SUPT3H: variants seen among roughly 807,000 people sequenced by gnomAD.
The protein encoded by SUPT3H is transcription initiation protein SPT3 homolog.
Under a neutral mutation model 44.3 loss-of-function variants are expected in SUPT3H, and 44 were observed. The observed-to-expected ratio is 0.99, with a 90% confidence interval of 0.78 to 1.28. SUPT3H has a LOEUF of 1.28. Among genes scored for constraint, SUPT3H ranks in the 50% most tolerant of loss-of-function variants. The probability of loss-of-function intolerance (pLI) is 0.00; values close to 1 mark genes in which losing one functional copy is unlikely to be tolerated. For synonymous variants in SUPT3H, 124 were observed against 125.6 expected, an observed-to-expected ratio of 0.99 and a Z score of 0.09; for missense variants, 380 against 387.1, an observed-to-expected ratio of 0.98 and a Z score of 0.15.
intron 10 of SUPT3H, among the ~76,000 whole-genome samples, chr6:44,852,579 C>A (rs1455084134): frequency 1.3e-5 from 2 of 152,114 alleles, no homozygotes; most frequent in East Asian, 3.8e-4. Context: ...CAACCTCCCA[C>A]AAGAGAAATA....
intron 2 of SUPT3H, among the ~76,000 whole-genome samples, chr6:45,122,814 A>G (rs1270946657): frequency 1.3e-5 from 2 of 152,210 alleles, no homozygotes; most frequent in Non-Finnish European, 2.9e-5. Flanking sequence ...TGCAGACCCC[A>G]TGAACAAGAA....
intron 1 of SUPT3H, among the ~76,000 whole-genome samples, chr6:45,374,691 A>G (rs1252719688): frequency 6.6e-6 from 1 of 152,180 alleles, no homozygotes; most frequent in African/African-American, 2.4e-5. Context: ...CAACACAAAT[A>G]CTCAATCACC....
chr6:45,284,207 T>A (rs151275720), intron 2 of SUPT3H, among the ~76,000 whole-genome samples: 1 of 151,858 alleles, frequency 6.6e-6, no homozygotes, highest in East Asian at 1.9e-4. Context: ...AGCAAACACA[T>A]TCAAAAGCTA....
At chr6:44,820,853 T>A (rs1414679890) in intron 11 of SUPT3H, among the ~76,000 whole-genome samples, 2 of 152,024 alleles carry the variant, frequency 1.3e-5, no homozygotes, top group Non-Finnish European at 2.9e-5. Flanking sequence ...ATAGAGAAAG[T>A]GATTTATGTT....
At chr6:44,988,544 T>A (rs969944955) in intron 6 of SUPT3H, among the ~76,000 whole-genome samples, 18 of 107,830 alleles carry the variant, frequency 1.7e-4, no homozygotes, top group South Asian at 3.0e-4. Context: ...AAAAAAAAAA[T>A]TTATGGGCTA....
Position 45,377,796 on chromosome 6 carries a change from G to A in SUPT3H, c.-29C>T. The stretch of plus-strand genomic sequence containing the variant: ...TGCTTTAAGAACCCTTGGAGGCACT[G>A]CTGCGCTTCCCGCGAGGAGAATGTG... On this transcript the variant is annotated 5_prime_UTR_variant, in exon 1 of 11. Transcript: ENST00000371459. 6.5e-6 allele frequency: 1 copy of A among 153,094 alleles called. No homozygotes were observed. Among genetic ancestry groups the A allele is most frequent in the Non-Finnish European group, 1.5e-5 (1 of 68,584 alleles). 9.5% of individuals were successfully genotyped at this position (153,094 alleles called of 1,614,324 possible).
At chr6:44,954,653 T>C in intron 7 of SUPT3H, 46 bp from the exon 8 acceptor site, 1 of 1,179,774 alleles carries the variant, frequency 8.5e-7, no homozygotes, top group South Asian at 1.2e-5. Context: ...ATTTTTAAAG[T>C]GTTTTAATAC....
intron 7 of SUPT3H, among the ~76,000 whole-genome samples, chr6:44,960,907 A>C (rs1244787769): frequency 6.6e-6 from 1 of 152,208 alleles, no homozygotes; most frequent in Non-Finnish European, 1.5e-5. Context: ...TATAATCTAT[A>C]AATGAAGCTC....
chr6:45,222,285 C>T (rs1766192764), intron 2 of SUPT3H, among the ~76,000 whole-genome samples: 2 of 152,196 alleles, frequency 1.3e-5, no homozygotes, highest in South Asian at 4.1e-4. Context: ...GCAAAAGAGC[C>T]TGTTAAGAGG....
intron 2 of SUPT3H, among the ~76,000 whole-genome samples, chr6:45,232,130 TC>T (rs1768173228): frequency 6.6e-6 from 1 of 152,226 alleles, no homozygotes; most frequent in East Asian, 1.9e-4. Context: ...ATTTCATACT[TC>T]CTGTGTCCTA....
intron 2 of SUPT3H, among the ~76,000 whole-genome samples, chr6:45,192,340 AAAACG>A (rs1815276237): frequency 6.6e-6 from 1 of 152,116 alleles, no homozygotes; most frequent in African/African-American, 2.4e-5. Flanking sequence ...TTGACTTATT[AAAACG>A]AAACTGTTTG....
intron 10 of SUPT3H, among the ~76,000 whole-genome samples, chr6:44,908,713 C>A (rs147481816): frequency 2.2e-4 from 33 of 151,952 alleles, no homozygotes; most frequent in African/African-American, 7.7e-4. Context: ...TAGCACTATG[C>A]AAAGAACTGT....
intron 2 of SUPT3H, among the ~76,000 whole-genome samples, chr6:45,311,972 C>T (rs958503540): frequency 6.6e-6 from 1 of 152,122 alleles, no homozygotes. Flanking sequence ...GGGTACCTCA[C>T]ATTTCAATAC....
At chr6:45,278,748 T>C (rs1777442973) in intron 2 of SUPT3H, among the ~76,000 whole-genome samples, 1 of 152,148 alleles carries the variant, frequency 6.6e-6, no homozygotes, top group Non-Finnish European at 1.5e-5. Flanking sequence ...CAATAAGAAG[T>C]CTGTGACTTG....
intron 10 of SUPT3H, among the ~76,000 whole-genome samples, chr6:44,870,786 T>C (rs572711750): frequency 1.9e-3 from 283 of 150,708 alleles, no homozygotes; most frequent in Non-Finnish European, 2.6e-3. Context: ...GGCCAGTGTG[T>C]GCGCGCACCC....
chr6:44,870,799 C>T (rs894024927), intron 10 of SUPT3H, among the ~76,000 whole-genome samples: 4 of 150,800 alleles, frequency 2.7e-5, no homozygotes, highest in Admixed American at 2.6e-4. Context: ...GCGCACCCTG[C>T]GCGAGCTGAA....
chr6:44,884,580 A>C (rs889778242), intron 10 of SUPT3H, among the ~76,000 whole-genome samples: 3 of 152,214 alleles, frequency 2.0e-5, no homozygotes, highest in African/African-American at 7.2e-5. Flanking sequence ...AAGACTTGGA[A>C]CCAACCCAAA....
intron 2 of SUPT3H, among the ~76,000 whole-genome samples, chr6:45,214,547 T>C (rs1764718095): frequency 6.6e-6 from 1 of 152,082 alleles, no homozygotes; most frequent in South Asian, 2.1e-4. Context: ...ACAGACAATT[T>C]TGAAATAAAG....
At chr6:45,188,696 T>C (rs1814651028) in intron 2 of SUPT3H, among the ~76,000 whole-genome samples, 1 of 152,050 alleles carries the variant, frequency 6.6e-6, no homozygotes, top group Non-Finnish European at 1.5e-5. Flanking sequence ...TATAAACTGA[T>C]GCTGAAAAAT....
Sources: allele counts gnomAD v4.1 joint callset (sites outside exome capture counted in the v4.1 genomes callset), GRCh38; gene constraint gnomAD v4.1.1; transcripts MANE v1.5; gene names NCBI Gene and HGNC (gene_info 2026-07-23, HGNC 2026-07-21).